Variants in IRAK3 observed in about 807,000 individuals in gnomAD.
IRAK3 encodes the protein interleukin 1 receptor associated kinase 3.
IRAK3 carries 57 observed loss-of-function variants against 56.6 expected under a neutral mutation model. That is an observed-to-expected ratio of 1.01 (90% CI 0.81 to 1.26). The LOEUF (loss-of-function observed/expected upper bound fraction) is 1.26, where lower values mean the gene tolerates loss of function less well. IRAK3 is among the 50% of genes most tolerant of loss of function. IRAK3 has a pLI of 0.00. For missense variants in IRAK3, 703 were observed against 719.0 expected (o/e 0.98, Z 0.25); for synonymous variants, 258 against 255.7 (o/e 1.01, Z -0.09).
At chr12:66,226,884 C>A in intron 7 of IRAK3, 47 bp downstream of exon 7, 1 of 1,139,702 alleles carries the variant, frequency 8.8e-7, no homozygotes, top group Non-Finnish European at 1.3e-6. Context: ...CCCTTGAATC[C>A]CTGGGAGAGC....
intron 6 of IRAK3, among the ~76,000 whole-genome samples, chr12:66,218,875 T>C (rs1346329148): frequency 6.6e-6 from 1 of 152,210 alleles, no homozygotes; most frequent in Non-Finnish European, 1.5e-5. Context: ...TCTCTGCTTC[T>C]CTACGTTTGA....
chr12:66,242,399 T>C (rs2052979289), intron 8 of IRAK3, among the ~76,000 whole-genome samples: 2 of 152,324 alleles, frequency 1.3e-5, no homozygotes, highest in Admixed American at 6.5e-5. Flanking sequence ...TCTCTTCTTA[T>C]CTAGAGCTGG....
At position 66,228,240 on chromosome 12, in the gene IRAK3, T is replaced by C. The variant is rs2052808367; in HGVS notation, c.769-12T>C. ...GAAAGTGCAACCAAACCAATTGCTG[T>C]TGTTGTTTTAGGGTGACACGGCCCC... On this transcript the variant is annotated splice_polypyrimidine_tract_variant and intron_variant, in intron 7 of 11. Transcript: ENST00000261233. 3.8e-6 allele frequency: 6 copies of C among 1,592,438 alleles called. No individual in the cohort carries two copies. Among genetic ancestry groups the C allele is most frequent in the Non-Finnish European group, 5.2e-6 (6 of 1,160,308 alleles).
rs372547626 is a variant in IRAK3 at position 66,226,721 on chromosome 12, A to C, written c.654-2A>C. The C allele has an allele frequency of 5.8e-6, 9 of 1,551,024 alleles. No individual in the cohort carries two copies. Among genetic ancestry groups the C allele is most frequent in the Middle Eastern group, 1.7e-4 (1 of 5,948 alleles). On this transcript the variant is annotated splice_acceptor_variant, in intron 6 of 11. Coordinates refer to ENST00000261233, the MANE Select transcript of IRAK3 (RefSeq NM_007199.3). LOFTEE classifies it high-confidence loss of function. ...TGGCTTTAAAACATCTTTTGTTTCA[A>C]GGTTTCATCACCCAAACATACTAGA...
At chr12:66,229,273 T>C (rs1056767350) in intron 8 of IRAK3, among the ~76,000 whole-genome samples, 11 of 152,326 alleles carry the variant, frequency 7.2e-5, no homozygotes, top group African/African-American at 2.4e-4. Context: ...TCTCCCACAT[T>C]TCTTCTTCTA....
rs1042909431 is a variant in IRAK3, at chr12:66,249,517, G to A, written c.*1346G>A. 1 of 152,140 alleles carries A rather than the reference G, an allele frequency of 6.6e-6. No homozygotes were observed. Among genetic ancestry groups the A allele is most frequent in the Non-Finnish European group, 1.5e-5 (1 of 68,026 alleles). The allele number at this position is 152,140 out of a possible 1,614,324, so 9.4% of individuals were successfully genotyped here. ...CCTATATTAGTTTTCTATTGTTTTTGTAACACATTATCACAAATTTAGTGA... is the reference window on the plus strand; with the variant it reads ...CCTATATTAGTTTTCTATTGTTTTTATAACACATTATCACAAATTTAGTGA... On this transcript the variant is annotated 3_prime_UTR_variant, in exon 12 of 12. Coordinates refer to ENST00000261233, the MANE Select transcript of IRAK3 (RefSeq NM_007199.3).
In IRAK3 at chr12:66,254,622, A is replaced by C. The variant is rs187366448; in HGVS notation, c.*6451A>C. On this transcript the variant is annotated 3_prime_UTR_variant, in exon 12 of 12. Coordinates refer to ENST00000261233, the MANE Select transcript of IRAK3 (RefSeq NM_007199.3). ...AAGAATAAAGTTTTTGAAAAAAAAA[A>C]CAGTCATTTTCTACATTTCTACATT... 3.9e-4 allele frequency: 60 copies of C among 152,084 alleles called. No individual in the cohort carries two copies. Among genetic ancestry groups the C allele is most frequent in the South Asian group, 1.0e-3 (5 of 4,810 alleles). The allele number at this position is 152,084 out of a possible 1,614,324, so 9.4% of individuals were successfully genotyped here.
chr12:66,235,321 G>GCGCGGT (rs1555204815), intron 8 of IRAK3: 1 of 1,163,260 alleles, frequency 8.6e-7, no homozygotes, highest in African/African-American at 1.6e-5. Context: ...GCGGGCGCGG[G>GCGCGGT]GCAGCCTGGG....
Position 66,189,348 on chromosome 12 carries a change from C to A in IRAK3, c.49C>A (p.Leu17Met). The change falls in exon 1 of 12, where the codon CTG becomes ATG. Residue 17 changes from leucine (L) to methionine (M), a missense_variant. Physicochemically the swap from Leu to Met is conservative, Grantham distance 15 (BLOSUM62 2). Coordinates refer to ENST00000261233, the MANE Select transcript of IRAK3 (RefSeq NM_007199.3). ...ARGALSAHTL[L>M]FDLPPALLGE... is the part of the protein sequence containing the mutation. ...CGGCGCGCTGTCGGCGCACACGCTG[C>A]TGTTCGACCTGCCGCCCGCGCTGCT... 6.5e-7 allele frequency: 1 copy of A among 1,531,998 alleles called. No homozygotes were observed. The highest frequency in any genetic ancestry group is 2.4e-5 in the East Asian group (1 of 40,958). 94.9% of individuals were successfully genotyped at this position (1,531,998 alleles called of 1,614,324 possible).
intron 6 of IRAK3, among the ~76,000 whole-genome samples, chr12:66,225,221 A>G (rs955328944): frequency 5.3e-5 from 8 of 152,150 alleles, no homozygotes; most frequent in African/African-American, 1.9e-4. Context: ...CCAACCAGGT[A>G]TACACCGACT....
rs1168310026 is a variant in IRAK3, at chr12:66,189,280, G to A, written c.-20G>A. On this transcript the variant is annotated 5_prime_UTR_variant, in exon 1 of 12. Transcript: ENST00000261233. ...GGGACCTGGACTCCGCCTCGTCCCCGGGGCTCGGGCAGCCGAGCCATGGCG... is the reference window on the plus strand; with the variant it reads ...GGGACCTGGACTCCGCCTCGTCCCCAGGGCTCGGGCAGCCGAGCCATGGCG... 2.0e-5 allele frequency: 30 copies of A among 1,535,078 alleles called. No homozygotes were observed. The African/African-American group carries it at 2.5e-4, about 13-fold the overall frequency.
chr12:66,196,986 T>G, intron 1 of IRAK3: 1 of 1,535,012 alleles, frequency 6.5e-7, no homozygotes, highest in Non-Finnish European at 8.7e-7. Flanking sequence ...TTGCATTATT[T>G]GAAAAAACCC....
intron 1 of IRAK3, among the ~76,000 whole-genome samples, chr12:66,202,497 C>T (rs367650528): frequency 1.3e-5 from 2 of 152,062 alleles, no homozygotes; most frequent in Admixed American, 6.6e-5. Flanking sequence ...AAAGGCCTGC[C>T]GTGGTAGTTC....
intron 11 of IRAK3, among the ~76,000 whole-genome samples, chr12:66,246,439 TA>T (rs1339734594): frequency 1.3e-5 from 2 of 152,224 alleles, no homozygotes; most frequent in Non-Finnish European, 1.5e-5. Context: ...GCAAGGGTTT[TA>T]AACAAGGAGT....
intron 1 of IRAK3, among the ~76,000 whole-genome samples, chr12:66,203,197 A>G (rs952912693): frequency 3.3e-5 from 5 of 152,214 alleles, no homozygotes; most frequent in African/African-American, 1.2e-4. Context: ...TTTATTAATT[A>G]TAAAGAGAAA....
At chr12:66,228,587 C>T (rs1161730958) in intron 8 of IRAK3, among the ~76,000 whole-genome samples, 2 of 152,194 alleles carry the variant, frequency 1.3e-5, no homozygotes, top group Admixed American at 6.5e-5. Context: ...AGAGAGTTTA[C>T]ATTATCTTTG....
chr12:66,215,874 A>C (rs1191828259), intron 5 of IRAK3, among the ~76,000 whole-genome samples: 1 of 151,902 alleles, frequency 6.6e-6, no homozygotes, highest in Non-Finnish European at 1.5e-5. Flanking sequence ...TTAGCCACAG[A>C]ACATTGTTAA....
chr12:66,229,161 C>G (rs1042160128), intron 8 of IRAK3, among the ~76,000 whole-genome samples: 13 of 152,160 alleles, frequency 8.5e-5, no homozygotes, highest in Admixed American at 7.2e-4. Flanking sequence ...TCTTGCTCAT[C>G]CTACTGAGCC....
chr12:66,193,482 C>G (rs2052419313), intron 1 of IRAK3, among the ~76,000 whole-genome samples: 1 of 152,180 alleles, frequency 6.6e-6, no homozygotes, highest in African/African-American at 2.4e-5. Context: ...TTATTATTAA[C>G]TAAAGTCCAT....
Sources: allele counts gnomAD v4.1 joint callset (sites outside exome capture counted in the v4.1 genomes callset), GRCh38; gene constraint gnomAD v4.1.1; transcripts MANE v1.5; gene names NCBI Gene and HGNC (gene_info 2026-07-23, HGNC 2026-07-21).